Variants in GPHN observed in about 807,000 individuals in gnomAD.
GPHN encodes the protein gephyrin.
In GPHN, 17 loss-of-function variants were observed where a neutral mutation model predicts 95.5. The ratio of observed to expected loss-of-function variants is 0.18; its 90% CI spans 0.12 to 0.27. GPHN has a LOEUF of 0.27. Ranked by LOEUF, GPHN falls within the 10% of genes least tolerant of loss-of-function variation. The pLI is 1.00. For synonymous variants in GPHN, 320 were observed against 322.5 expected (o/e 0.99, Z 0.08); for missense variants, 660 against 978.1 (o/e 0.67, Z 4.34).
At chr14:66,965,114 T>C in intron 8 of GPHN, 77 bp from the exon 9 acceptor site, 1 of 1,276,936 alleles carries the variant, frequency 7.8e-7, no homozygotes, top group East Asian at 2.3e-5. Flanking sequence ...CAAAGAATGC[T>C]AAAACAAAGG....
At chr14:67,689,003 G>T in the GPHN span, among the ~76,000 whole-genome samples, 1 of 152,114 alleles carries the variant, frequency 6.6e-6, no homozygotes, top group Non-Finnish European at 1.5e-5. Context: ...GCACCATAAT[G>T]ATTTTCCACT....
At chr14:67,268,378 A>G in the GPHN span, among the ~76,000 whole-genome samples, 1 of 152,232 alleles carries the variant, frequency 6.6e-6, no homozygotes, top group Non-Finnish European at 1.5e-5. Context: ...GGGTTCTTGG[A>G]TCTTGCATGA....
At chr14:67,314,119 G>C in the GPHN span, among the ~76,000 whole-genome samples, 1 of 151,990 alleles carries the variant, frequency 6.6e-6, no homozygotes, top group South Asian at 2.1e-4. Flanking sequence ...AAGATTTTAA[G>C]CATAACAGAT....
chr14:66,678,569 G>A (rs1004442522), intron 1 of GPHN, among the ~76,000 whole-genome samples: 1 of 151,058 alleles, frequency 6.6e-6, no homozygotes, highest in African/African-American at 2.4e-5. Flanking sequence ...ATTTGTTAAG[G>A]TATTTCATAG....
chr14:67,477,038 C>T, the GPHN span, among the ~76,000 whole-genome samples: 2 of 152,060 alleles, frequency 1.3e-5, no homozygotes, highest in African/African-American at 4.8e-5. Flanking sequence ...TGGTGGCATG[C>T]GCCTATAATC....
the GPHN span, chr14:67,579,326 G>A: frequency 3.4e-5 from 51 of 1,483,678 alleles, 1 homozygote; most frequent in Admixed American, 6.0e-4. Context: ...GGAGCTGGGC[G>A]TGCTCTTTGC....
At chr14:66,958,806 A>G (rs1044683204) in intron 8 of GPHN, among the ~76,000 whole-genome samples, 2 of 152,170 alleles carry the variant, frequency 1.3e-5, no homozygotes, top group Non-Finnish European at 2.9e-5. Context: ...GCCAGTTTCC[A>G]TCTTTGAATT....
intron 2 of GPHN, among the ~76,000 whole-genome samples, chr14:66,733,434 C>T (rs2071979866): frequency 6.6e-6 from 1 of 151,782 alleles, no homozygotes; most frequent in East Asian, 1.9e-4. Flanking sequence ...AGCTTAAGAG[C>T]CATTTTCAGG....
chr14:67,505,339 A>C, the GPHN span, among the ~76,000 whole-genome samples: 1 of 152,088 alleles, frequency 6.6e-6, no homozygotes, highest in Non-Finnish European at 1.5e-5. Context: ...ATTCACCAGG[A>C]CCACTCAGGA....
the GPHN span, among the ~76,000 whole-genome samples, chr14:67,424,664 G>A: frequency 4.6e-5 from 7 of 151,568 alleles, no homozygotes; most frequent in Admixed American, 2.6e-4. Flanking sequence ...CCTTCCTATG[G>A]TCCCAGTCTC....
intron 10 of GPHN, among the ~76,000 whole-genome samples, chr14:67,027,814 T>C (rs940611273): frequency 6.6e-6 from 1 of 152,234 alleles, no homozygotes; most frequent in Non-Finnish European, 1.5e-5. Context: ...ATAGAATTTG[T>C]AATGATCAAG....
chr14:67,464,412 C>T, the GPHN span, among the ~76,000 whole-genome samples: 2 of 152,086 alleles, frequency 1.3e-5, no homozygotes, highest in African/African-American at 4.8e-5. Context: ...CTGTCCATCA[C>T]ATCCATCACC....
chr14:67,245,577 C>T, the GPHN span, among the ~76,000 whole-genome samples: 1 of 152,014 alleles, frequency 6.6e-6, no homozygotes, highest in African/African-American at 2.4e-5. Context: ...TCTCAGAACT[C>T]CTGGGCTCAA....
chr14:67,042,061 GT>G lies in GPHN; in HGVS notation c.1007-16577del, dbSNP rs869163694. On this transcript the variant is annotated intron_variant, in intron 10 of 22. Coordinates refer to ENST00000478722, the MANE Select transcript of GPHN (RefSeq NM_020806.5). Reference sequence around the variant, plus strand: ...ATGTACTTTGCCCATTTTTTGATGGGTTTTTTTTTTTCTTGTAAATTTGTTT... The same window carrying G: ...ATGTACTTTGCCCATTTTTTGATGGGTTTTTTTTTTCTTGTAAATTTGTTT... 5.4e-3 allele frequency among the ~76,000 whole-genome samples: 791 copies of G among 146,554 alleles called. 7 individuals carry two copies. The highest frequency in any genetic ancestry group is 0.035 in the Middle Eastern group (10 of 282).
chr14:67,487,635 T>C, the GPHN span, among the ~76,000 whole-genome samples: 82 of 152,298 alleles, frequency 5.4e-4, 1 homozygote, highest in Non-Finnish European at 8.8e-4. Flanking sequence ...AAAAACAAAA[T>C]GTGTGCTAAA....
intron 2 of GPHN, among the ~76,000 whole-genome samples, chr14:66,758,530 T>C (rs1157096376): frequency 2.0e-5 from 3 of 152,112 alleles, no homozygotes; most frequent in Non-Finnish European, 1.5e-5. Context: ...TTGAGTTTGA[T>C]GGCCTGAAGG....
the GPHN span, chr14:67,196,886 T>C: frequency 6.6e-6 from 1 of 152,142 alleles, no homozygotes; most frequent in African/African-American, 2.4e-5. Context: ...GAAATAACAG[T>C]AAGGTTTAGA....
chr14:67,301,445 G>T, the GPHN span: 1 of 1,610,456 alleles, frequency 6.2e-7, no homozygotes, highest in East Asian at 2.2e-5. Flanking sequence ...TAACTGCTTT[G>T]CTGAATACTC....
At chr14:67,451,297 T>A in the GPHN span, among the ~76,000 whole-genome samples, 2 of 152,190 alleles carry the variant, frequency 1.3e-5, no homozygotes, top group Non-Finnish European at 2.9e-5. Flanking sequence ...AGAGAGTCCC[T>A]ACTGGGGTAT....
Sources: gnomAD v4.1 joint callset for allele counts (sites outside exome capture counted in the v4.1 genomes callset) on GRCh38, gnomAD v4.1.1 for gene constraint, MANE v1.5 for transcripts, NCBI Gene and HGNC (gene_info 2026-07-23, HGNC 2026-07-21) for gene names.